The following SLC43A2 variants were observed in gnomAD, a reference collection of about 807,000 sequenced individuals.
The protein encoded by SLC43A2 is solute carrier family 43 member 2.
In SLC43A2, 38 loss-of-function variants were observed where a neutral mutation model predicts 63.2. The ratio of observed to expected loss-of-function variants is 0.60; its 90% confidence interval spans 0.46 to 0.79. The LOEUF is 0.79. Among genes scored for constraint, SLC43A2 ranks in the 30% least tolerant of loss-of-function variants. SLC43A2 has a pLI of 0.00. For missense variants in SLC43A2, 644 were observed against 756.2 expected (o/e 0.85, Z 1.74); for synonymous variants, 322 against 331.0 (o/e 0.97, Z 0.30).
chr17:1,610,293 C>T (rs1906981783), intron 5 of SLC43A2, among the ~76,000 whole-genome samples: 1 of 151,540 alleles, frequency 6.6e-6, no homozygotes, highest in African/African-American at 2.4e-5. Context: ...GACAAGGTCT[C>T]GCTCTGTCAC....
intron 6 of SLC43A2, 40 bp from the exon 7 acceptor site, chr17:1,591,739 G>GCC: frequency 6.8e-5 from 35 of 512,174 alleles, no homozygotes; most frequent in East Asian, 2.0e-4. Context: ...GGGGGAGGGG[G>GCC]CAGAGTTAGC....
chr17:1,583,609 AGAC>A lies in SLC43A2; in HGVS notation c.1218-276_1218-274del, dbSNP rs2151034380. On this transcript the variant is annotated intron_variant, in intron 10 of 13. Coordinates refer to ENST00000301335, the MANE Select transcript of SLC43A2 (RefSeq NM_152346.3). The surrounding 1 kb of genome is among the most constrained non-coding windows in gnomAD (Gnocchi z 5.5). Reference sequence around the variant, plus strand: ...GCAGTGCTCTGTGAAGGCTGAGCTAAGACGACGGGGAGAGAAGTAGCAGCGTGT... The same window carrying A: ...GCAGTGCTCTGTGAAGGCTGAGCTAAGACGGGGAGAGAAGTAGCAGCGTGT... 4 of 389,220 alleles carry A rather than the reference AGAC, an allele frequency of 1.0e-5. No individual in the cohort carries two copies. The South Asian group carries it at 2.0e-4, about 20-fold the overall frequency. The allele number at this position is 389,220 out of a possible 1,614,324, so 24.1% of individuals were successfully genotyped here. A position where few individuals can be genotyped will look rare whatever the true frequency, so the allele number is the denominator to read the frequency against.
At position 1,578,191 on chromosome 17, in the gene SLC43A2, T is replaced by TC; in HGVS notation, c.1424+58dup. 4 of 1,545,028 alleles carry TC rather than the reference T, an allele frequency of 2.6e-6. No individual in the cohort carries two copies. The highest frequency in any genetic ancestry group is 3.6e-6 in the Non-Finnish European group (4 of 1,122,916). On this transcript the variant is annotated intron_variant, in intron 12 of 13. Transcript: ENST00000301335. The surrounding 1 kb of genome is among the most constrained non-coding windows in gnomAD (Gnocchi z 6.5). ...CAGAGTCTCAGTCCCACCAGCAACCTCCCCCCGGCCATTCCCACACCCTCG... is the reference window on the plus strand; with the variant it reads ...CAGAGTCTCAGTCCCACCAGCAACCTCCCCCCCGGCCATTCCCACACCCTCG...
chr17:1,627,956 GCCCAGC>G, intron 1 of SLC43A2, 36 bp from the exon 2 acceptor site: 1 of 1,331,830 alleles, frequency 7.5e-7, no homozygotes, highest in Non-Finnish European at 9.6e-7. Flanking sequence ...GCCGGCCCTT[GCCCAGC>G]CCCTGCGGCC....
chr17:1,586,011 C>T lies in SLC43A2; in HGVS notation c.1119G>A (p.Leu373=). The T allele has an allele frequency of 1.2e-6, 2 of 1,611,572 alleles. No individual in the cohort carries two copies. Among genetic ancestry groups the T allele is most frequent in the East Asian group, 2.2e-5 (1 of 44,820 alleles). The stretch of plus-strand genomic sequence containing the variant: ...CAATGACGGGGGCCGTCAGCAGGCA[C>T]AGCAGCTGGAGCACGCCGAAGATGG... ...YTSIFGVLQL[L]CLLTAPVIGY... Residue 373 remains leucine (L), a synonymous_variant, in exon 10 of 14, where the codon CTG becomes CTA. Transcript: ENST00000301335.
chr17:1,629,077 G>T (rs1159786604), upstream of SLC43A2, among the ~76,000 whole-genome samples: 1 of 152,074 alleles, frequency 6.6e-6, no homozygotes, highest in Non-Finnish European at 1.5e-5. Context: ...CCGAGTCACA[G>T]CGCGGCCGGG....
chr17:1,604,931 C>A, intron 5 of SLC43A2: 3 of 1,522,246 alleles, frequency 2.0e-6, no homozygotes, highest in Non-Finnish European at 1.8e-6. Context: ...TGTTCGAAGC[C>A]GCGGTGCCGG....
At chr17:1,628,345 T>G (rs1208093294) in intron 1 of SLC43A2, 2 of 153,480 alleles carry the variant, frequency 1.3e-5, no homozygotes, top group Admixed American at 6.5e-5. Context: ...CCCTGACAGG[T>G]GCCCTCCCGC....
At chr17:1,601,650 C>T (rs1468521543) in intron 5 of SLC43A2, among the ~76,000 whole-genome samples, 4 of 151,096 alleles carry the variant, frequency 2.6e-5, no homozygotes, top group Non-Finnish European at 4.4e-5. Flanking sequence ...ACCGCCCTCC[C>T]GAAGGTCCAA....
intron 11 of SLC43A2, among the ~76,000 whole-genome samples, chr17:1,582,517 G>A (rs370355373): frequency 1.5e-4 from 23 of 152,284 alleles, no homozygotes; most frequent in South Asian, 6.2e-4. Flanking sequence ...CTCTTTGGAC[G>A]TCAGATTCCA....
Position 1,571,730 on chromosome 17 carries a change from C to G in SLC43A2, c.*3874G>C, listed in dbSNP as rs2075849374. ...ATGGAGCAAAACAGAAAGGATCCACCAGGGCCTGCAACCACGTCTTTGGCC... is the reference window on the plus strand; with the variant it reads ...ATGGAGCAAAACAGAAAGGATCCACGAGGGCCTGCAACCACGTCTTTGGCC... On this transcript the variant is annotated 3_prime_UTR_variant, in exon 14 of 14. Transcript: ENST00000301335. This position sits in a 1 kb window ranked among gnomAD's most constrained non-coding sequence, Gnocchi z 5.2. 2 of 152,394 alleles carry G rather than the reference C, an allele frequency of 1.3e-5. No homozygotes were observed. Among genetic ancestry groups the G allele is most frequent in the Non-Finnish European group, 2.9e-5 (2 of 68,188 alleles). 9.4% of individuals were successfully genotyped at this position (152,394 alleles called of 1,614,324 possible).
At chr17:1,576,020 A>ACCT (rs2075922255) in intron 13 of SLC43A2, among the ~76,000 whole-genome samples, 1 of 150,278 alleles carries the variant, frequency 6.7e-6, no homozygotes, top group African/African-American at 2.5e-5. Flanking sequence ...AGTTCCTGGT[A>ACCT]CCTGGTGAGG....
intron 11 of SLC43A2, among the ~76,000 whole-genome samples, chr17:1,579,645 G>A (rs1039587714): frequency 9.2e-5 from 14 of 151,764 alleles, no homozygotes; most frequent in Non-Finnish European, 1.9e-4. Context: ...AGACCAGCCT[G>A]GGCAACATGT....
At chr17:1,590,702 C>T in intron 9 of SLC43A2, 100 bp downstream of exon 9, 2 of 1,455,352 alleles carry the variant, frequency 1.4e-6, no homozygotes, top group South Asian at 1.3e-5. Context: ...CTTTCCATGG[C>T]CCGGCTGGCC....
At position 1,602,590 on chromosome 17, in the gene SLC43A2, G is replaced by A. The variant is rs557778728; in HGVS notation, c.502-9311C>T. On this transcript the variant is annotated intron_variant, in intron 5 of 13. Transcript: ENST00000301335. ...GAACCCCAGAGGCAGAGGTTGCAAT[G>A]AGCCGAGATTGTGCCACTGCACTCC... Among the ~76,000 whole-genome samples the A allele has an allele frequency of 4.0e-5, 6 of 151,888 alleles. No homozygotes were observed. In the East Asian group the frequency reaches 7.8e-4, roughly 20 times the overall value.
intron 2 of SLC43A2, among the ~76,000 whole-genome samples, chr17:1,623,063 G>A (rs1908314465): frequency 6.6e-6 from 1 of 152,172 alleles, no homozygotes; most frequent in Admixed American, 6.5e-5. Flanking sequence ...CCGAGACTGC[G>A]CCACTGCACT....
chr17:1,587,680 C>T lies in SLC43A2; in HGVS notation c.1079-1629G>A, dbSNP rs538152655. ...AACAAGCTCCTCCATCACTCCAGGCCTCGTTTTTCAGGTGTATATGATGAT... is the reference window on the plus strand; with the variant it reads ...AACAAGCTCCTCCATCACTCCAGGCTTCGTTTTTCAGGTGTATATGATGAT... On this transcript the variant is annotated intron_variant, in intron 9 of 13. Transcript: ENST00000301335. 3.3e-5 allele frequency among the ~76,000 whole-genome samples: 5 copies of T among 150,484 alleles called. No homozygotes were observed. The East Asian group carries it at 9.7e-4, about 29-fold the overall frequency.
At position 1,591,251 on chromosome 17, in the gene SLC43A2, G is replaced by A. The variant is rs748983114; in HGVS notation, c.931+18C>T. ...AGCACTCCCTGCCCGTCGCCCGGCT[G>A]CGGTCTCAGGCGGGTACCTGCGGCA... On this transcript the variant is annotated intron_variant, in intron 8 of 13. Coordinates refer to ENST00000301335, the MANE Select transcript of SLC43A2 (RefSeq NM_152346.3). The A allele has an allele frequency of 6.2e-7, 1 of 1,600,052 alleles. No homozygotes were observed.
At chr17:1,576,914 G>A (rs1335289779) in intron 12 of SLC43A2, among the ~76,000 whole-genome samples, 194 bp from the exon 13 acceptor site, 1 of 150,768 alleles carries the variant, frequency 6.6e-6, no homozygotes, top group Non-Finnish European at 1.5e-5. Context: ...GCCTGGGCTG[G>A]AGTGCAATGA....
Sources: gnomAD v4.1 joint callset for allele counts (sites outside exome capture counted in the v4.1 genomes callset) on GRCh38, gnomAD v4.1.1 for gene constraint, Gnocchi (gnomAD v3.1) non-coding constraint, MANE v1.5 for transcripts, NCBI Gene and HGNC (gene_info 2026-07-23, HGNC 2026-07-21) for gene names.